Variants in ZNF385D observed in about 807,000 individuals in gnomAD.
ZNF385D encodes the protein zinc finger protein 385D, also known as zinc finger protein 659.
In ZNF385D, 15 loss-of-function variants were observed where a neutral mutation model predicts 35.8. The observed-to-expected ratio is 0.42, with a 90% CI of 0.28 to 0.64. ZNF385D has a LOEUF of 0.64. ZNF385D is among the 30% of genes least tolerant of loss of function. The probability of loss-of-function intolerance (pLI) is 0.23; values close to 1 mark genes in which losing one functional copy is unlikely to be tolerated. For missense variants in ZNF385D, 474 were observed against 494.6 expected (o/e 0.96, Z 0.39); for synonymous variants, 212 against 186.8 (o/e 1.13, Z -1.10).
At chr3:21,842,588 G>A (rs1695749257) in intron 3 of ZNF385D, among the ~76,000 whole-genome samples, 1 of 151,968 alleles carries the variant, frequency 6.6e-6, no homozygotes, top group Admixed American at 6.6e-5. Context: ...AGATCTTTGG[G>A]ATGGTTGTTT....
intron 2 of ZNF385D, among the ~76,000 whole-genome samples, chr3:22,296,490 G>C (rs148770172): frequency 6.6e-6 from 1 of 152,114 alleles, no homozygotes; most frequent in East Asian, 1.9e-4. Context: ...AAAGATAAAA[G>C]AGAAGGGAAG....
intron 2 of ZNF385D, among the ~76,000 whole-genome samples, chr3:21,593,435 C>CTTACTCTATCCT (rs1316995449): frequency 6.6e-6 from 1 of 152,138 alleles, no homozygotes; most frequent in Non-Finnish European, 1.5e-5. Flanking sequence ...GGAAATGGCT[C>CTTACTCTATCCT]TTACTCTATC....
intron 2 of ZNF385D, among the ~76,000 whole-genome samples, chr3:22,370,404 C>T (rs989508750): frequency 2.6e-5 from 4 of 151,834 alleles, no homozygotes; most frequent in African/African-American, 9.7e-5. Context: ...AGTGTTCTGC[C>T]CTCTCTAAAG....
At chr3:21,944,102 A>G (rs1701662805) in intron 3 of ZNF385D, among the ~76,000 whole-genome samples, 1 of 152,232 alleles carries the variant, frequency 6.6e-6, no homozygotes, top group East Asian at 1.9e-4. Context: ...GTAAAAGGAT[A>G]GTTTTTTAAA....
chr3:21,759,355 T>C (rs1013417227), intron 3 of ZNF385D, among the ~76,000 whole-genome samples: 1 of 143,754 alleles, frequency 7.0e-6, no homozygotes. Flanking sequence ...GGACAAATTA[T>C]TATTAAAGAG....
chr3:22,190,782 A>AT (rs146267348), intron 2 of ZNF385D, among the ~76,000 whole-genome samples: 16 of 151,440 alleles, frequency 1.1e-4, no homozygotes, highest in East Asian at 7.8e-4. Context: ...GGTACAGGCT[A>AT]TTTTTTTTTC....
chr3:22,301,004 T>A (rs1702871051), intron 2 of ZNF385D, among the ~76,000 whole-genome samples: 2 of 152,062 alleles, frequency 1.3e-5, no homozygotes, highest in African/African-American at 2.4e-5. Context: ...TTTGCAGATG[T>A]ACTCACAATA....
In ZNF385D at chr3:22,365,392, G is replaced by A. The variant is rs142583782; in HGVS notation, c.106+7058C>T. Reference sequence around the variant, plus strand: ...CTAAAAAATGGTTCTTACCTTTCTGGTTAAACCCAAGCCCAACTAACCAGA... The same window carrying A: ...CTAAAAAATGGTTCTTACCTTTCTGATTAAACCCAAGCCCAACTAACCAGA... On this transcript the variant is annotated intron_variant, in intron 2 of 5. Transcript: ENST00000494108. 3.6e-3 allele frequency among the ~76,000 whole-genome samples: 552 copies of A among 152,088 alleles called. 2 individuals carry two copies. Among genetic ancestry groups the A allele is most frequent in the African/African-American group, 0.013 (533 of 41,518 alleles).
intron 3 of ZNF385D, among the ~76,000 whole-genome samples, chr3:21,990,707 CACTT>C (rs1261570477): frequency 6.6e-6 from 1 of 152,196 alleles, no homozygotes; most frequent in Non-Finnish European, 1.5e-5. Flanking sequence ...GTCTTTCCCT[CACTT>C]TCTTTTTAGA....
rs11387962 is a variant in ZNF385D, at chr3:21,921,222, C to CAAAAA, written c.325+247590_325+247594dup. ...TGGGCGACAGAGCGAGACTCCATCT[C>CAAAAA]AAAAAAAAAAAAAAAAAAAAATACT... On this transcript the variant is annotated intron_variant, in intron 3 of 5. Coordinates refer to the ZNF385D transcript ENST00000494108. Among the ~76,000 whole-genome samples the CAAAAA allele has an allele frequency of 4.7e-3, 325 of 68,776 alleles. 7 individuals are homozygous for CAAAAA. Among genetic ancestry groups the CAAAAA allele is most frequent in the African/African-American group, 0.015 (274 of 17,852 alleles). The allele number at this position is 68,776 out of a possible 152,430, so 45.1% of individuals were successfully genotyped here. A position where few individuals can be genotyped will look rare whatever the true frequency, so the allele number is the denominator to read the frequency against.
At position 22,218,337 on chromosome 3, in the gene ZNF385D, TTAAAAAATTATTGCTGG is replaced by T. The variant is rs1386719555; in HGVS notation, c.107-49319_107-49303del. The stretch of plus-strand genomic sequence containing the variant: ...TATGTATTTTTATAAACTATATCTT[TTAAAAAATTATTGCTGG>T]TAAACAGAAATACAATTGACTTTTG... On this transcript the variant is annotated intron_variant, in intron 2 of 5. Coordinates refer to the ZNF385D transcript ENST00000494108. Among the ~76,000 whole-genome samples the T allele has an allele frequency of 1.3e-3, 197 of 152,206 alleles. 1 individual carries two copies. The highest frequency in any genetic ancestry group is 4.4e-3 in the African/African-American group (184 of 41,556).
chr3:21,785,734 C>G (rs1259167764), intron 3 of ZNF385D, among the ~76,000 whole-genome samples: 1 of 152,198 alleles, frequency 6.6e-6, no homozygotes, highest in African/African-American at 2.4e-5. Flanking sequence ...TCAACAAACA[C>G]CTGTTAAGTA....
intron 3 of ZNF385D, among the ~76,000 whole-genome samples, chr3:21,521,439 C>T (rs1707898275): frequency 6.6e-6 from 1 of 152,150 alleles, no homozygotes; most frequent in African/African-American, 2.4e-5. Context: ...ACAAGTCAGA[C>T]TAAAAAATTA....
At chr3:21,664,466 C>G (rs1458244352) in intron 2 of ZNF385D, among the ~76,000 whole-genome samples, 1 of 152,224 alleles carries the variant, frequency 6.6e-6, no homozygotes, top group East Asian at 1.9e-4. Context: ...TGTCAAGGTC[C>G]TATTTATTAA....
chr3:22,122,260 T>C (rs557484111), intron 3 of ZNF385D, among the ~76,000 whole-genome samples: 1 of 152,168 alleles, frequency 6.6e-6, no homozygotes, highest in South Asian at 2.1e-4. Context: ...AGCTTGCAAG[T>C]GACAAGCATC....
chr3:22,178,254 C>T (rs903874730), intron 2 of ZNF385D, among the ~76,000 whole-genome samples: 2 of 152,144 alleles, frequency 1.3e-5, no homozygotes, highest in Non-Finnish European at 2.9e-5. Context: ...CTGTTGTTTC[C>T]TGACTTTTTA....
intron 3 of ZNF385D, among the ~76,000 whole-genome samples, chr3:22,060,648 C>T (rs1699640700): frequency 6.6e-6 from 1 of 151,992 alleles, no homozygotes; most frequent in South Asian, 2.1e-4. Context: ...AATACGTTAA[C>T]AGCCATGGAA....
chr3:22,156,772 A>T (rs1213944087), intron 3 of ZNF385D, among the ~76,000 whole-genome samples: 4 of 152,090 alleles, frequency 2.6e-5, no homozygotes, highest in African/African-American at 9.7e-5. Context: ...TCCCATTTAA[A>T]GGACCGAACG....
chr3:21,442,602 C>T (rs927312332), intron 4 of ZNF385D, among the ~76,000 whole-genome samples: 7 of 151,830 alleles, frequency 4.6e-5, no homozygotes, highest in African/African-American at 1.7e-4. Context: ...CCATACCACA[C>T]TCTTAGACCC....
Sources: allele counts gnomAD v4.1 joint callset (sites outside exome capture counted in the v4.1 genomes callset), GRCh38; gene constraint gnomAD v4.1.1; transcripts MANE v1.5; gene names NCBI Gene and HGNC (gene_info 2026-07-23, HGNC 2026-07-21).